The following DVL3 variants were observed in gnomAD, a reference collection of about 807,000 sequenced individuals.
The protein encoded by DVL3 is segment polarity protein dishevelled homolog DVL-3.
Under a neutral mutation model 67.4 loss-of-function variants are expected in DVL3, and 27 were observed. The ratio of observed to expected loss-of-function variants is 0.40; its 90% CI spans 0.30 to 0.55. The LOEUF (loss-of-function observed/expected upper bound fraction) is 0.55, where lower values mean the gene tolerates loss of function less well. Among genes scored for constraint, DVL3 ranks in the 20% least tolerant of loss-of-function variants. The probability of loss-of-function intolerance (pLI) is 0.46; values close to 1 mark genes in which losing one functional copy is unlikely to be tolerated. For synonymous variants in DVL3, 369 were observed against 396.8 expected, an observed-to-expected ratio of 0.93 and a Z score of 0.83; for missense variants, 819 against 1,021.5, an observed-to-expected ratio of 0.80 and a Z score of 2.70.
At position 184,167,886 on chromosome 3, in the gene DVL3, C is replaced by A; in HGVS notation, c.1331-12C>A. The A allele has an allele frequency of 6.2e-7, 1 of 1,614,252 alleles. No homozygotes were observed. The highest frequency in any genetic ancestry group is 1.1e-5 in the South Asian group (1 of 91,088). On this transcript the variant is annotated splice_polypyrimidine_tract_variant and intron_variant, in intron 12 of 14. Coordinates refer to ENST00000313143, the MANE Select transcript of DVL3 (RefSeq NM_004423.4). The surrounding 1 kb of genome is among the most constrained non-coding windows in gnomAD (Gnocchi z 4.6). ...GATGGGCCTCCCCATCAACTGGCAGCCTTGTCCCCAGGCTCAGATGTGGTG... is the reference window on the plus strand; with the variant it reads ...GATGGGCCTCCCCATCAACTGGCAGACTTGTCCCCAGGCTCAGATGTGGTG...
rs1205514771 is a variant in DVL3, at chr3:184,170,432, C to T, written c.1828C>T (p.Arg610Cys). ...CGGCAGCGAATCGGACCACACCACA[C>T]GCAGCAGCCTGCGGGGGCCGCGGGA... ...GSGSESDHTTRSSLRGPRERA... is the reference protein window; with the variant it reads ...GSGSESDHTTCSSLRGPRERA... Residue 610 changes from arginine (R) to cysteine (C), a missense_variant, in exon 15 of 15, where the codon CGC becomes TGC. Arg to Cys is a radical substitution (Grantham distance 180, BLOSUM62 -3). Transcript: ENST00000313143. The surrounding 1 kb of genome is among the most constrained non-coding windows in gnomAD (Gnocchi z 6.5). 2 of 1,592,062 alleles carry T rather than the reference C, an allele frequency of 1.3e-6. No individual in the cohort carries two copies. Among genetic ancestry groups the T allele is most frequent in the South Asian group, 1.1e-5 (1 of 88,694 alleles).
rs1273184479 is a variant in DVL3, at chr3:184,163,252, C to T, written c.162-405C>T. On this transcript the variant is annotated intron_variant, in intron 1 of 14. Coordinates refer to ENST00000313143, the MANE Select transcript of DVL3 (RefSeq NM_004423.4). This position sits in a 1 kb window ranked among gnomAD's most constrained non-coding sequence, Gnocchi z 4.5. The stretch of plus-strand genomic sequence containing the variant: ...TACCTCCCACAACAATGTTAGGATT[C>T]CCACTTAAGAAAGGAAGGACAGTTA... Among the ~76,000 whole-genome samples the T allele has an allele frequency of 6.6e-6, 1 of 152,136 alleles. No individual in the cohort carries two copies. Among genetic ancestry groups the T allele is most frequent in the African/African-American group, 2.4e-5 (1 of 41,418 alleles).
rs371786195 is a variant in DVL3, at chr3:184,170,447, G to A, written c.1843G>A (p.Gly615Arg). 133 of 1,584,454 alleles carry A rather than the reference G, an allele frequency of 8.4e-5. No individual in the cohort carries two copies. The highest frequency in any genetic ancestry group is 8.6e-5 in the Non-Finnish European group (100 of 1,166,604). Residue 615 changes from glycine (G) to arginine (R), a missense_variant, in exon 15 of 15, where the codon GGG becomes AGG. Around this residue, in one of 3 missense-constraint regions of DVL3, gnomAD observed 324 missense variants for 331.3 expected, o/e 0.98. Transcript: ENST00000313143. The surrounding 1 kb of genome is among the most constrained non-coding windows in gnomAD (Gnocchi z 6.5). The part of the protein sequence containing the change: ...SDHTTRSSLR[G>R]PRERAPSERS... ...CCACACCACACGCAGCAGCCTGCGG[G>A]GGCCGCGGGAGCGGGCGCCCAGCGA... is the stretch of plus-strand genomic sequence containing the variant.
intron 1 of DVL3, among the ~76,000 whole-genome samples, chr3:184,162,382 G>A (rs541234677): frequency 7.8e-4 from 119 of 151,698 alleles, no homozygotes; most frequent in African/African-American, 2.5e-3. Flanking sequence ...CCGGCACCTC[G>A]CTATGTTGAC....
rs895210557 is a variant in DVL3, at chr3:184,171,103, G to T, written c.*348G>T. ...GTTGACCCCAGCAATGACCTTGGTG[G>T]CACGCTCACTCCCTCATTCTCTCGT... On this transcript the variant is annotated 3_prime_UTR_variant, in exon 15 of 15. Coordinates refer to ENST00000313143, the MANE Select transcript of DVL3 (RefSeq NM_004423.4). The T allele has an allele frequency of 1.1e-5, 14 of 1,219,872 alleles. No homozygotes were observed. The highest frequency in any genetic ancestry group is 1.4e-5 in the Non-Finnish European group (14 of 966,848). The allele number at this position is 1,219,872 out of a possible 1,614,324, so 75.6% of individuals were successfully genotyped here. A position where few individuals can be genotyped will look rare whatever the true frequency, so the allele number is the denominator to read the frequency against.
rs200289508 is a variant in DVL3 at position 184,167,734 on chromosome 3, T to G, written c.1330+23T>G. On this transcript the variant is annotated intron_variant, in intron 12 of 14. Coordinates refer to ENST00000313143, the MANE Select transcript of DVL3 (RefSeq NM_004423.4). This position sits in a 1 kb window ranked among gnomAD's most constrained non-coding sequence, Gnocchi z 4.6. The stretch of plus-strand genomic sequence containing the variant: ...TCGGTGAGAGAGCCCCATGGTGGGA[T>G]GCAGGGTGGGTGGGGAGTGATGGGG... The G allele has an allele frequency of 1.3e-5, 20 of 1,574,636 alleles. No individual in the cohort carries two copies. Among genetic ancestry groups the G allele is most frequent in the Admixed American group, 5.1e-5 (3 of 58,774 alleles).
chr3:184,167,652 C>T lies in DVL3; in HGVS notation c.1271C>T (p.Ser424Leu). The stretch of plus-strand genomic sequence containing the variant: ...GTAAAAGCCATGGCCTCCCCTGAAT[C>T]AGGGTTGGAGGTCCGTGACCGCATG... ...AIVKAMASPE[S>L]GLEVRDRMWL... The change falls in exon 12 of 15, where the codon TCA (serine) becomes TTA (leucine). Residue 424 changes from serine to leucine, a missense_variant. Coordinates refer to ENST00000313143, the MANE Select transcript of DVL3 (RefSeq NM_004423.4). This position sits in a 1 kb window ranked among gnomAD's most constrained non-coding sequence, Gnocchi z 4.6. 1 of 1,614,144 alleles carries T rather than the reference C, an allele frequency of 6.2e-7. No homozygotes were observed. Among genetic ancestry groups the T allele is most frequent in the East Asian group, 2.2e-5 (1 of 44,886 alleles).
chr3:184,166,664 T>C lies in DVL3; in HGVS notation c.1039T>C (p.Leu347=). ...WDPSPRGCFT[L]PRSEPIRPID... Reference sequence around the variant, plus strand: ...CCCAAGTCCACGTGGTTGCTTCACATTGCCCAGGAGTAAGTGGATGGGAGA... The same window carrying C: ...CCCAAGTCCACGTGGTTGCTTCACACTGCCCAGGAGTAAGTGGATGGGAGA... Residue 347 remains leucine (L), a synonymous_variant, in exon 10 of 15, where the codon TTG becomes CTG. Coordinates refer to ENST00000313143, the MANE Select transcript of DVL3 (RefSeq NM_004423.4). The surrounding 1 kb of genome is among the most constrained non-coding windows in gnomAD (Gnocchi z 6.7). 1 of 1,614,084 alleles carries C rather than the reference T, an allele frequency of 6.2e-7. No homozygotes were observed. Among genetic ancestry groups the C allele is most frequent in the East Asian group, 2.2e-5 (1 of 44,868 alleles).
rs1185557589 is a variant in DVL3, at chr3:184,164,731, C to A, written c.464-65C>A. 6 of 1,607,970 alleles carry A rather than the reference C, an allele frequency of 3.7e-6. No individual in the cohort carries two copies. Among genetic ancestry groups the A allele is most frequent in the Non-Finnish European group, 4.3e-6 (5 of 1,176,046 alleles). The stretch of plus-strand genomic sequence containing the variant: ...TGGCCCCAGTGCAGCCCCTGGCTTG[C>A]CTCTCTCCCTCCTTCACCCCTGCAC... On this transcript the variant is annotated intron_variant, in intron 4 of 14. Transcript: ENST00000313143. The surrounding 1 kb of genome is among the most constrained non-coding windows in gnomAD (Gnocchi z 5.3).
chr3:184,156,419 C>T (rs1485315671), intron 1 of DVL3: 3 of 456,604 alleles, frequency 6.6e-6, no homozygotes, highest in African/African-American at 6.0e-5. Flanking sequence ...GAGAGCCTGA[C>T]CCCTGCGGAG....
intron 1 of DVL3, among the ~76,000 whole-genome samples, chr3:184,157,408 C>T (rs1714237153): frequency 6.6e-6 from 1 of 152,298 alleles, no homozygotes; most frequent in East Asian, 1.9e-4. Context: ...TAGGCTGTCT[C>T]TCCACCCTGT....
intron 1 of DVL3, among the ~76,000 whole-genome samples, chr3:184,159,615 T>C (rs150503496): frequency 0.3 from 26,123 of 86,234 alleles, 6,897 homozygotes; most frequent in Non-Finnish European, 0.34. Flanking sequence ...CCGCCCACCT[T>C]GGCCTCCCAA....
rs1714571783 is a variant in DVL3 at position 184,166,056 on chromosome 3, AT to A, written c.764-66del. The A allele has an allele frequency of 6.3e-7, 1 of 1,577,306 alleles. No individual in the cohort carries two copies. Among genetic ancestry groups the A allele is most frequent in the Non-Finnish European group, 8.6e-7 (1 of 1,164,476 alleles). Reference sequence around the variant, plus strand: ...GTCAGTTCAGTTCCTGTCCCTTTCCATTTTCTAATGGGCTGGGAATGCGGGT... The same window carrying A: ...GTCAGTTCAGTTCCTGTCCCTTTCCATTTCTAATGGGCTGGGAATGCGGGT... On this transcript the variant is annotated intron_variant, in intron 7 of 14. Coordinates refer to ENST00000313143, the MANE Select transcript of DVL3 (RefSeq NM_004423.4). This position sits in a 1 kb window ranked among gnomAD's most constrained non-coding sequence, Gnocchi z 6.7.
At position 184,168,813 on chromosome 3, in the gene DVL3, C is replaced by T. The variant is rs796287250; in HGVS notation, c.1498+748C>T. ...CAGGCAGGTATTCAGTCCTGGTGGC[C>T]CCTTATATTCTCTTCAATGTAGTTC... On this transcript the variant is annotated intron_variant, in intron 13 of 14. Coordinates refer to ENST00000313143, the MANE Select transcript of DVL3 (RefSeq NM_004423.4). Among the ~76,000 whole-genome samples, 67 of 152,222 alleles carry T rather than the reference C, an allele frequency of 4.4e-4. 1 individual carries two copies. Among genetic ancestry groups the T allele is most frequent in the African/African-American group, 1.6e-3 (66 of 41,524 alleles).
chr3:184,161,094 G>C (rs1714364145), intron 1 of DVL3, among the ~76,000 whole-genome samples: 1 of 152,148 alleles, frequency 6.6e-6, no homozygotes, highest in Non-Finnish European at 1.5e-5. Flanking sequence ...CATCACAAGG[G>C]AGCCAAGCAC....
Position 184,170,397 on chromosome 3 carries a change from C to T in DVL3, c.1793C>T (p.Ser598Phe), listed in dbSNP as rs887469920. The T allele has an allele frequency of 6.2e-7, 1 of 1,603,874 alleles. No homozygotes were observed. The change falls in exon 15 of 15, where the codon TCC (serine) becomes TTC (phenylalanine). Residue 598 changes from serine (S) to phenylalanine (F), a missense_variant. Ser to Phe is a radical substitution (Grantham distance 155). Transcript: ENST00000313143. The surrounding 1 kb of genome is among the most constrained non-coding windows in gnomAD (Gnocchi z 6.5). ...GACCCGAAGGCCGGGGACTCCAAGT[C>T]CGGGGGCAGCGGCAGCGAATCGGAC... The part of the protein sequence containing the change: ...EKDPKAGDSK[S>F]GGSGSESDHT...
At position 184,155,454 on chromosome 3, in the gene DVL3, C is replaced by CGCG. The variant is rs1402461489; in HGVS notation, c.-171_-169dup. The CGCG allele has an allele frequency of 1.3e-3, 222 of 175,574 alleles. No homozygotes were observed. Among genetic ancestry groups the CGCG allele is most frequent in the African/African-American group, 5.0e-3 (207 of 41,546 alleles). 10.9% of individuals were successfully genotyped at this position (175,574 alleles called of 1,614,324 possible). Reference sequence around the variant, plus strand: ...GAGAGTGGGGAGCGGAAGCGGCGGCCGCGGCGGCGGCGGGCGGCGCTGGGA... The same window carrying CGCG: ...GAGAGTGGGGAGCGGAAGCGGCGGCCGCGGCGGCGGCGGCGGGCGGCGCTGGGA... On this transcript the variant is annotated 5_prime_UTR_variant, in exon 1 of 15. Transcript: ENST00000313143. This position sits in a 1 kb window ranked among gnomAD's most constrained non-coding sequence, Gnocchi z 5.4.
intron 13 of DVL3, among the ~76,000 whole-genome samples, chr3:184,169,428 C>T (rs1577051929): frequency 1.3e-5 from 2 of 152,206 alleles, no homozygotes; most frequent in South Asian, 4.1e-4. Flanking sequence ...GGCGCAGTGG[C>T]TCGCGCCTGT....
intron 1 of DVL3, chr3:184,156,698 T>A (rs1714202234): frequency 3.1e-6 from 1 of 320,632 alleles, no homozygotes; most frequent in Admixed American, 4.1e-5. Context: ...GCAGCTGGCC[T>A]GGGAAGAGGG....
Sources: allele counts gnomAD v4.1 joint callset (sites outside exome capture counted in the v4.1 genomes callset), GRCh38; gene constraint gnomAD v4.1.1; regional missense constraint gnomAD v4.1.1; non-coding constraint Gnocchi (gnomAD v3.1); transcripts MANE v1.5; gene names NCBI Gene and HGNC (gene_info 2026-07-23, HGNC 2026-07-21).